The following MPRIP variants were observed in gnomAD, a reference collection of about 807,000 sequenced individuals.
The protein encoded by MPRIP is myosin phosphatase Rho-interacting protein.
Under a neutral mutation model 234.9 loss-of-function variants are expected in MPRIP, and 59 were observed. The ratio of observed to expected loss-of-function variants is 0.25; its 90% CI spans 0.20 to 0.31. MPRIP has a LOEUF of 0.31. MPRIP is among the 10% of genes least tolerant of loss of function. MPRIP has a pLI of 1.00. For synonymous variants in MPRIP, 1,144 were observed against 1,263.9 expected (o/e 0.91, Z 2.01); for missense variants, 2,436 against 3,071.0 (o/e 0.79, Z 4.89).
At chr17:17,076,192 T>C (rs2144042409) in intron 2 of MPRIP, 1 of 161,730 alleles carries the variant, frequency 6.2e-6, no homozygotes, top group Middle Eastern at 3.0e-3. Flanking sequence ...TAGTGAAGGG[T>C]TGGGGGCCCA....
At chr17:17,081,736 G>A (rs912218989) in intron 3 of MPRIP, among the ~76,000 whole-genome samples, 3 of 152,244 alleles carry the variant, frequency 2.0e-5, no homozygotes, top group African/African-American at 7.2e-5. Context: ...TCCAGTTCCG[G>A]AAGCTGACCA....
intron 1 of MPRIP, among the ~76,000 whole-genome samples, chr17:17,071,624 C>G (rs1172741921): frequency 2.6e-5 from 4 of 152,202 alleles, no homozygotes; most frequent in African/African-American, 9.7e-5. Flanking sequence ...AAGGCACACC[C>G]AGACCACCAG....
intron 3 of MPRIP, among the ~76,000 whole-genome samples, chr17:17,099,232 C>T (rs564713979): frequency 6.6e-6 from 1 of 152,326 alleles, no homozygotes; most frequent in Admixed American, 6.5e-5. Flanking sequence ...CTGCAGTCCC[C>T]TTCTTTCCAG....
Position 17,131,692 on chromosome 17 carries a change from C to A in MPRIP, c.495C>A (p.Pro165=). 1 of 1,614,166 alleles carries A rather than the reference C, an allele frequency of 6.2e-7. No homozygotes were observed. The highest frequency in any genetic ancestry group is 8.5e-7 in the Non-Finnish European group (1 of 1,179,990). The change falls in exon 5 of 24, where the codon CCC becomes CCA. Residue 165 remains proline (P), a synonymous_variant. Transcript: ENST00000651222. ...AGAAGAAACGGAAAGTGGAGCCCCC[C>A]ACACCACAGGTAGGCAGTGGGTTTG... is the stretch of plus-strand genomic sequence containing the variant. ...NQKKKRKVEP[P]TPQEPGPAKV... is the part of the protein sequence containing the mutation.
chr17:17,063,037 G>T (rs998991759), intron 1 of MPRIP, among the ~76,000 whole-genome samples: 1 of 152,230 alleles, frequency 6.6e-6, no homozygotes, highest in Non-Finnish European at 1.5e-5. Context: ...CATGTGCGGG[G>T]GCAGGCCCTG....
chr17:17,167,485 C>T lies in MPRIP; in HGVS notation c.5894C>T (p.Thr1965Ile). 7.7e-7 allele frequency: 1 copy of T among 1,304,232 alleles called. No homozygotes were observed. The highest frequency in any genetic ancestry group is 1.0e-6 in the Non-Finnish European group (1 of 988,968). 80.8% of individuals were successfully genotyped at this position (1,304,232 alleles called of 1,614,324 possible). A position where few individuals can be genotyped will look rare whatever the true frequency, so the allele number is the denominator to read the frequency against. The change falls in exon 16 of 24, where the codon ACA becomes ATA. Residue 1965 changes from threonine (T) to isoleucine (I), a missense_variant. Physicochemically the swap from Thr to Ile is moderately conservative, Grantham distance 89. Coordinates refer to ENST00000651222, the MANE Select transcript of MPRIP (RefSeq NM_001364716.4). The surrounding 1 kb of genome is among the most constrained non-coding windows in gnomAD (Gnocchi z 5.9). ...VVEQLTRTES[T>I]LQAERSRVLS... ...GAGCAGCTGACCAGGACCGAGAGCA[C>T]ACTGCAGGCTGAGCGCAGCCGGGTC... is the stretch of plus-strand genomic sequence containing the variant.
intron 1 of MPRIP, among the ~76,000 whole-genome samples, chr17:17,069,638 T>G (rs933323535): frequency 4.6e-5 from 7 of 152,198 alleles, no homozygotes; most frequent in African/African-American, 1.2e-4. Context: ...ACATAACTTG[T>G]CACAGTCTCT....
chr17:17,122,595 C>T (rs888146877), intron 3 of MPRIP, among the ~76,000 whole-genome samples: 4 of 152,184 alleles, frequency 2.6e-5, no homozygotes, highest in South Asian at 2.1e-4. Flanking sequence ...CCTCGTGATC[C>T]GCCCGTCTTG....
At chr17:17,054,667 T>G (rs2088639871) in intron 1 of MPRIP, among the ~76,000 whole-genome samples, 1 of 151,984 alleles carries the variant, frequency 6.6e-6, no homozygotes, top group Non-Finnish European at 1.5e-5. Flanking sequence ...GGAATTCTTT[T>G]TTTTTTTTCC....
chr17:17,167,768 G>A lies in MPRIP; in HGVS notation c.6177G>A (p.Glu2059=), dbSNP rs1156642842. ...PAPNWQATQG[E]ADSMTGLRER... is the part of the protein sequence containing the mutation. ...CCAACTGGCAGGCCACCCAGGGAGA[G>A]GCTGACTCCATGACGGGGCTGAGGG... is the stretch of plus-strand genomic sequence containing the variant. The change falls in exon 16 of 24, where the codon GAG becomes GAA. Residue 2059 remains glutamate, a synonymous_variant. Coordinates refer to ENST00000651222, the MANE Select transcript of MPRIP (RefSeq NM_001364716.4). The surrounding 1 kb of genome is among the most constrained non-coding windows in gnomAD (Gnocchi z 5.9). The A allele has an allele frequency of 2.3e-5, 30 of 1,304,106 alleles. No individual in the cohort carries two copies. Among genetic ancestry groups the A allele is most frequent in the Non-Finnish European group, 2.8e-5 (28 of 988,946 alleles). 80.8% of individuals were successfully genotyped at this position (1,304,106 alleles called of 1,614,324 possible).
At chr17:17,073,937 G>A (rs559979087) in intron 1 of MPRIP, among the ~76,000 whole-genome samples, 45 of 152,194 alleles carry the variant, frequency 3.0e-4, no homozygotes, top group East Asian at 7.7e-4. Context: ...GCTTTCCCCC[G>A]ACCCCAGGCA....
rs749266518 is a variant in MPRIP at position 17,042,820 on chromosome 17, C to CCGCCGCCGCCGT, written c.-19_-8dup. The CCGCCGCCGCCGT allele has an allele frequency of 1.6e-4, 223 of 1,398,314 alleles. 1 individual carries two copies. In the East Asian group the frequency reaches 3.4e-3, roughly 21 times the overall value. 86.6% of individuals were successfully genotyped at this position (1,398,314 alleles called of 1,614,324 possible). Reference sequence around the variant, plus strand: ...CAGGCCGGCCAGGCCTGCGCCGCCGCCGCCGCCGCCGTCGCCGCCGCGCCG... The same window carrying CCGCCGCCGCCGT: ...CAGGCCGGCCAGGCCTGCGCCGCCGCCGCCGCCGCCGTCGCCGCCGCCGTCGCCGCCGCGCCG... On this transcript the variant is annotated 5_prime_UTR_variant, in exon 1 of 24. Coordinates refer to ENST00000651222, the MANE Select transcript of MPRIP (RefSeq NM_001364716.4).
Position 17,143,544 on chromosome 17 carries a change from T to C in MPRIP, c.1390-12T>C, listed in dbSNP as rs2045378770. The stretch of plus-strand genomic sequence containing the variant: ...CTGGGCTGCACTGACCAGCGGCTGC[T>C]CTCTGCCACAGGACTTCACCAATGA... On this transcript the variant is annotated splice_polypyrimidine_tract_variant and intron_variant, in intron 8 of 23. Transcript: ENST00000651222. 2 of 1,572,420 alleles carry C rather than the reference T, an allele frequency of 1.3e-6. No individual in the cohort carries two copies. Among genetic ancestry groups the C allele is most frequent in the African/African-American group, 1.4e-5 (1 of 73,776 alleles).
At chr17:17,070,443 T>G (rs2089165121) in intron 1 of MPRIP, among the ~76,000 whole-genome samples, 1 of 152,214 alleles carries the variant, frequency 6.6e-6, no homozygotes, top group African/African-American at 2.4e-5. Flanking sequence ...ATTTATTCAT[T>G]TTTTCCTGTC....
intron 5 of MPRIP, among the ~76,000 whole-genome samples, chr17:17,133,720 C>G (rs2090641626): frequency 6.6e-6 from 1 of 152,160 alleles, no homozygotes; most frequent in Admixed American, 6.5e-5. Flanking sequence ...AAGGATCGCA[C>G]TGCGGGAGCA....
chr17:17,155,892 C>T (rs1435209264), intron 13 of MPRIP, among the ~76,000 whole-genome samples: 1 of 152,224 alleles, frequency 6.6e-6, no homozygotes, highest in Non-Finnish European at 1.5e-5. Flanking sequence ...TTCCATGGCT[C>T]TCCCATCAGG....
intron 3 of MPRIP, among the ~76,000 whole-genome samples, chr17:17,114,967 A>G (rs944128597): frequency 6.6e-6 from 1 of 152,258 alleles, no homozygotes; most frequent in African/African-American, 2.4e-5. Context: ...GGTTCTAACT[A>G]TGCCCCTGGG....
At position 17,166,159 on chromosome 17, in the gene MPRIP, C is replaced by T. The variant is rs757433816; in HGVS notation, c.4568C>T (p.Pro1523Leu). Reference sequence around the variant, plus strand: ...GCCATCCAAGCCCTGCAGCACTGGCCGGCCCCAGCCCATGGCGGGGCCCGT... The same window carrying T: ...GCCATCCAAGCCCTGCAGCACTGGCTGGCCCCAGCCCATGGCGGGGCCCGT... ...VSAIQALQHW[P>L]APAHGGARAQ... Residue 1523 changes from proline to leucine, a missense_variant, in exon 16 of 24, where the codon CCG becomes CTG. By Grantham distance (98) the Pro-to-Leu change is moderately conservative. Transcript: ENST00000651222. The surrounding 1 kb of genome is among the most constrained non-coding windows in gnomAD (Gnocchi z 4.4). The T allele has an allele frequency of 1.5e-5, 20 of 1,302,448 alleles. No individual in the cohort carries two copies. Among genetic ancestry groups the T allele is most frequent in the Non-Finnish European group, 1.5e-5 (15 of 988,096 alleles). 80.7% of individuals were successfully genotyped at this position (1,302,448 alleles called of 1,614,324 possible). A position where few individuals can be genotyped will look rare whatever the true frequency, so the allele number is the denominator to read the frequency against.
At chr17:17,080,610 C>G (rs1314057035) in intron 3 of MPRIP, among the ~76,000 whole-genome samples, 1 of 152,190 alleles carries the variant, frequency 6.6e-6, no homozygotes, top group African/African-American at 2.4e-5. Flanking sequence ...CTGCTGGCAT[C>G]TAGTGGGTGG....
Sources: allele counts gnomAD v4.1 joint callset (sites outside exome capture counted in the v4.1 genomes callset), GRCh38; gene constraint gnomAD v4.1.1; non-coding constraint Gnocchi (gnomAD v3.1); transcripts MANE v1.5; gene names NCBI Gene and HGNC (gene_info 2026-07-23, HGNC 2026-07-21).